The following ARL6IP1 variants were observed in gnomAD, a reference collection of about 807,000 sequenced individuals.
The protein encoded by ARL6IP1 is ADP-ribosylation factor-like protein 6-interacting protein 1.
A neutral mutation model predicts 30.1 loss-of-function variants in ARL6IP1; 16 were observed. The observed-to-expected ratio is 0.53, with a 90% confidence interval of 0.36 to 0.81. The LOEUF (loss-of-function observed/expected upper bound fraction) is 0.81, where lower values mean the gene tolerates loss of function less well. Among genes scored for constraint, ARL6IP1 ranks in the 30% least tolerant of loss-of-function variants. The pLI is 0.01. For synonymous variants in ARL6IP1, 72 were observed against 84.8 expected (o/e 0.85, Z 0.83); for missense variants, 173 against 242.7 (o/e 0.71, Z 1.91).
rs986166273 is a variant in ARL6IP1 at position 18,791,834 on chromosome 16, G to A, written c.*1418C>T. 8 of 152,364 alleles carry A rather than the reference G, an allele frequency of 5.3e-5. No homozygotes were observed. The highest frequency in any genetic ancestry group is 1.2e-4 in the African/African-American group (5 of 41,364). 9.4% of individuals were successfully genotyped at this position (152,364 alleles called of 1,614,324 possible). A position where few individuals can be genotyped will look rare whatever the true frequency, so the allele number is the denominator to read the frequency against. ...ACAATGAAAGTAAGGTAAAATTAAC[G>A]TAGTTTTCTTATGAAATAATAAAAA... On this transcript the variant is annotated 3_prime_UTR_variant, in exon 6 of 6. Coordinates refer to ENST00000304414, the MANE Select transcript of ARL6IP1 (RefSeq NM_015161.3).
intron 2 of ARL6IP1, 28 bp from the exon 3 acceptor site, chr16:18,798,072 A>C (rs1567292400): frequency 1.9e-6 from 3 of 1,555,230 alleles, no homozygotes; most frequent in Non-Finnish European, 1.7e-6. Context: ...AAAGGTTAGA[A>C]AAACATAGTC....
rs1188002369 is a variant in ARL6IP1, at chr16:18,792,508, A to T, written c.*744T>A. Reference sequence around the variant, plus strand: ...AATCTGAAATTAAAAGCATGCTAGAAATCCTAAATGCAATCTTTTGGAAGT... The same window carrying T: ...AATCTGAAATTAAAAGCATGCTAGATATCCTAAATGCAATCTTTTGGAAGT... On this transcript the variant is annotated 3_prime_UTR_variant, in exon 6 of 6. Coordinates refer to ENST00000304414, the MANE Select transcript of ARL6IP1 (RefSeq NM_015161.3). 6.6e-6 allele frequency: 1 copy of T among 152,244 alleles called. No homozygotes were observed. Among genetic ancestry groups the T allele is most frequent in the Non-Finnish European group, 1.5e-5 (1 of 68,032 alleles). 9.4% of individuals were successfully genotyped at this position (152,244 alleles called of 1,614,324 possible).
rs571533733 is a variant in ARL6IP1 at position 18,800,491 on chromosome 16, T to G, written c.36+940A>C. On this transcript the variant is annotated intron_variant, in intron 1 of 5. Coordinates refer to ENST00000304414, the MANE Select transcript of ARL6IP1 (RefSeq NM_015161.3). The stretch of plus-strand genomic sequence containing the variant: ...GATCCACGCTGAGAACTAACTATGC[T>G]AGAAGGAGCGTGTGTTTAAAGGAAC... 1.4e-4 allele frequency among the ~76,000 whole-genome samples: 21 copies of G among 152,332 alleles called. No homozygotes were observed. In the East Asian group the frequency reaches 3.9e-3, roughly 28 times the overall value.
intron 3 of ARL6IP1, among the ~76,000 whole-genome samples, chr16:18,797,104 G>T (rs966507810): frequency 1.3e-5 from 2 of 152,108 alleles, no homozygotes; most frequent in Non-Finnish European, 2.9e-5. Flanking sequence ...AATAGGCCGG[G>T]CACGGTGGCT....
intron 1 of ARL6IP1, chr16:18,801,180 CT>C: frequency 7.1e-7 from 1 of 1,400,920 alleles, no homozygotes; most frequent in African/African-American, 1.5e-5. Context: ...CTGCCTCCCA[CT>C]TCCTCCTCGA....
chr16:18,798,502 C>G, intron 2 of ARL6IP1, 199 bp downstream of exon 2: 1 of 533,066 alleles, frequency 1.9e-6, no homozygotes, highest in Non-Finnish European at 3.1e-6. Flanking sequence ...CTGATTTACT[C>G]AAGTGCTTTA....
chr16:18,797,997 A>G lies in ARL6IP1; in HGVS notation c.218T>C (p.Phe73Ser), dbSNP rs2030291772. 6.2e-7 allele frequency: 1 copy of G among 1,613,842 alleles called. No homozygotes were observed. Among genetic ancestry groups the G allele is most frequent in the Admixed American group, 1.7e-5 (1 of 59,952 alleles). ...GTCAGCCAAGCACAAAAACATAACA[A>G]AACAGGAAACGCCGGACAGAACAGA... is the stretch of plus-strand genomic sequence containing the variant. ...DPSVLSGVSC[F>S]VMFLCLADYL... is the part of the protein sequence containing the mutation. The change falls in exon 3 of 6, where the codon TTT (phenylalanine) becomes TCT (serine). Residue 73 changes from phenylalanine (F) to serine (S), a missense_variant. Phe to Ser is a radical substitution (Grantham distance 155). Transcript: ENST00000304414.
intron 1 of ARL6IP1, among the ~76,000 whole-genome samples, chr16:18,800,002 G>A (rs2030360012): frequency 6.6e-6 from 1 of 152,180 alleles, no homozygotes. Flanking sequence ...AGGAGATCGG[G>A]ACCAGCCTGG....
intron 1 of ARL6IP1, 78 bp downstream of exon 1, chr16:18,801,353 G>A: frequency 1.3e-6 from 2 of 1,584,644 alleles, no homozygotes; most frequent in South Asian, 1.1e-5. Flanking sequence ...GGGTGACAGG[G>A]ACGAGGCCGC....
chr16:18,798,554 G>A, intron 2 of ARL6IP1, 147 bp downstream of exon 2: 1 of 859,802 alleles, frequency 1.2e-6, no homozygotes, highest in Non-Finnish European at 1.6e-6. Flanking sequence ...CTGGAAACTA[G>A]AAGTGCTTAT....
At chr16:18,794,828 T>TA in intron 4 of ARL6IP1, 145 bp from the exon 5 acceptor site, 1 of 556,392 alleles carries the variant, frequency 1.8e-6, no homozygotes, top group Non-Finnish European at 3.1e-6. Flanking sequence ...TAAAAATTCT[T>TA]AGATTTAAAA....
chr16:18,797,150 C>T (rs922914522), intron 3 of ARL6IP1, among the ~76,000 whole-genome samples: 1 of 151,706 alleles, frequency 6.6e-6, no homozygotes, highest in East Asian at 1.9e-4. Flanking sequence ...GAGGCCGAGG[C>T]GGGCGGATCA....
Position 18,791,945 on chromosome 16 carries a change from A to G in ARL6IP1, c.*1307T>C, listed in dbSNP as rs1596942060. 6.5e-6 allele frequency: 1 copy of G among 152,816 alleles called. No homozygotes were observed. Among genetic ancestry groups the G allele is most frequent in the East Asian group, 1.9e-4 (1 of 5,196 alleles). 9.5% of individuals were successfully genotyped at this position (152,816 alleles called of 1,614,324 possible). ...CAACACTTATTTAATAGGGACAGAT[A>G]TACCACAAGGTACAACATCAGTGCA... On this transcript the variant is annotated 3_prime_UTR_variant, in exon 6 of 6. Transcript: ENST00000304414.
chr16:18,796,354 A>ATCTATC, intron 3 of ARL6IP1, among the ~76,000 whole-genome samples: 1 of 152,242 alleles, frequency 6.6e-6, no homozygotes, highest in Non-Finnish European at 1.5e-5. Flanking sequence ...AGTGATAGAT[A>ATCTATC]AAGTACAAGG....
chr16:18,796,533 GGTT>G (rs1391553099), intron 3 of ARL6IP1, among the ~76,000 whole-genome samples: 1 of 152,204 alleles, frequency 6.6e-6, no homozygotes, highest in Non-Finnish European at 1.5e-5. Context: ...AACTATCAGT[GGTT>G]ATTTCTGCAA....
chr16:18,797,302 A>G (rs2030266415), intron 3 of ARL6IP1, among the ~76,000 whole-genome samples: 1 of 151,174 alleles, frequency 6.6e-6, no homozygotes, highest in Admixed American at 6.6e-5. Flanking sequence ...AGAGAATGGC[A>G]TGAACCTGGG....
intron 4 of ARL6IP1, among the ~76,000 whole-genome samples, 193 bp from the exon 5 acceptor site, chr16:18,794,876 C>T (rs2030182469): frequency 1.3e-5 from 2 of 152,166 alleles, no homozygotes; most frequent in Non-Finnish European, 2.9e-5. Context: ...AATTTGGATA[C>T]ATTTCTTCCT....
Position 18,792,938 on chromosome 16 carries a change from A to AC in ARL6IP1, c.*313dup, listed in dbSNP as rs2030106301. ...AATTATCCAGATTCACTTGAACTGT[A>AC]CTAAAGGGCAAGGTTCACCACTACA... On this transcript the variant is annotated 3_prime_UTR_variant, in exon 6 of 6. Coordinates refer to ENST00000304414, the MANE Select transcript of ARL6IP1 (RefSeq NM_015161.3). The AC allele has an allele frequency of 4.9e-6, 1 of 204,184 alleles. No homozygotes were observed. Among genetic ancestry groups the AC allele is most frequent in the South Asian group, 1.0e-4 (1 of 9,834 alleles). The allele number at this position is 204,184 out of a possible 1,614,324, so 12.6% of individuals were successfully genotyped here.
intron 3 of ARL6IP1, among the ~76,000 whole-genome samples, chr16:18,795,911 AATTTG>A (rs1254802042): frequency 6.6e-6 from 1 of 152,144 alleles, no homozygotes; most frequent in Admixed American, 6.5e-5. Flanking sequence ...AATCAGTATA[AATTTG>A]ATTTTGCTAT....
Sources: gnomAD v4.1 joint callset for allele counts (sites outside exome capture counted in the v4.1 genomes callset) on GRCh38, gnomAD v4.1.1 for gene constraint, MANE v1.5 for transcripts, NCBI Gene and HGNC (gene_info 2026-07-23, HGNC 2026-07-21) for gene names.